The following GPC6 variants were observed in gnomAD, a reference collection of about 807,000 sequenced individuals.
The protein encoded by GPC6 is glypican-6.
GPC6 carries 14 observed loss-of-function variants against 55.2 expected under a neutral mutation model. The ratio of observed to expected loss-of-function variants is 0.25; its 90% CI spans 0.17 to 0.40. The LOEUF (loss-of-function observed/expected upper bound fraction) is 0.40, where lower values mean the gene tolerates loss of function less well. Among genes scored for constraint, GPC6 ranks in the 10% least tolerant of loss-of-function variants. The pLI is 1.00. For missense variants in GPC6, 641 were observed against 708.5 expected (o/e 0.90, Z 1.08); for synonymous variants, 278 against 259.6 (o/e 1.07, Z -0.68).
At chr13:94,040,819 C>T (rs1208636587) in intron 4 of GPC6, among the ~76,000 whole-genome samples, 2 of 151,720 alleles carry the variant, frequency 1.3e-5, no homozygotes, top group African/African-American at 2.4e-5. Context: ...AGTGGCCATG[C>T]AATATTAAAA....
At chr13:94,017,251 G>A (rs1566292120) in intron 3 of GPC6, among the ~76,000 whole-genome samples, 1 of 152,084 alleles carries the variant, frequency 6.6e-6, no homozygotes, top group African/African-American at 2.4e-5. Flanking sequence ...GCTCCAGAAG[G>A]TTTTTTTATG....
chr13:93,379,006 A>AAAAT (rs1372736857), intron 1 of GPC6, among the ~76,000 whole-genome samples: 2 of 151,954 alleles, frequency 1.3e-5, no homozygotes, highest in Non-Finnish European at 2.9e-5. Flanking sequence ...GAAAAAAAAA[A>AAAAT]AAATCAGCAT....
intron 4 of GPC6, among the ~76,000 whole-genome samples, chr13:94,039,885 C>A (rs1883471410): frequency 1.3e-5 from 2 of 151,846 alleles, no homozygotes; most frequent in African/African-American, 4.8e-5. Flanking sequence ...CAGAATGAGC[C>A]TTTGTCTATA....
At chr13:93,424,351 T>G (rs1877039967) in intron 1 of GPC6, among the ~76,000 whole-genome samples, 1 of 152,096 alleles carries the variant, frequency 6.6e-6, no homozygotes, top group Non-Finnish European at 1.5e-5. Context: ...GGGCATAATC[T>G]TAGGCAAAGC....
chr13:93,366,816 GT>G (rs1314258153), intron 1 of GPC6, among the ~76,000 whole-genome samples: 1 of 151,982 alleles, frequency 6.6e-6, no homozygotes, highest in Non-Finnish European at 1.5e-5. Context: ...CTCTCCTATG[GT>G]TTTTTGCTCT....
At chr13:93,743,864 A>C (rs1240095990) in intron 2 of GPC6, among the ~76,000 whole-genome samples, 3 of 152,152 alleles carry the variant, frequency 2.0e-5, no homozygotes, top group East Asian at 1.9e-4. Flanking sequence ...TTCAATCCTG[A>C]TCAAACTGAT....
intron 2 of GPC6, among the ~76,000 whole-genome samples, chr13:93,657,184 A>T (rs574545722): frequency 6.6e-6 from 1 of 152,226 alleles, no homozygotes; most frequent in Non-Finnish European, 1.5e-5. Flanking sequence ...GACATGCATT[A>T]CCCAACTTCA....
chr13:93,522,078 T>C lies in GPC6; in HGVS notation c.161-23185T>C, dbSNP rs539763219. 1.2e-3 allele frequency among the ~76,000 whole-genome samples: 182 copies of C among 152,100 alleles called. 4 individuals carry two copies. Among genetic ancestry groups the C allele is most frequent in the Admixed American group, 2.4e-3 (37 of 15,240 alleles). On this transcript the variant is annotated intron_variant, in intron 1 of 8. Coordinates refer to ENST00000377047, the MANE Select transcript of GPC6 (RefSeq NM_005708.5). ...TTTTAGATAAAAGTGTGACAGACTT[T>C]GAAACAAGTCAAAATGATTGCTGGG...
At chr13:94,265,230 T>C (rs757666437) in intron 4 of GPC6, among the ~76,000 whole-genome samples, 4 of 152,160 alleles carry the variant, frequency 2.6e-5, no homozygotes, top group Non-Finnish European at 5.9e-5. Context: ...TAGATGTATA[T>C]ATAAAGGGGA....
chr13:93,302,880 G>A (rs1211128959), intron 1 of GPC6, among the ~76,000 whole-genome samples: 1 of 152,128 alleles, frequency 6.6e-6, no homozygotes, highest in Non-Finnish European at 1.5e-5. Flanking sequence ...AAAGCCAGCT[G>A]GGCCTCCTAA....
chr13:93,315,074 T>C (rs1046976747), intron 1 of GPC6, among the ~76,000 whole-genome samples: 4 of 152,072 alleles, frequency 2.6e-5, no homozygotes, highest in Admixed American at 1.3e-4. Flanking sequence ...CCTAATTATT[T>C]TGATGGATGA....
chr13:93,268,768 G>A (rs926084687), intron 1 of GPC6, among the ~76,000 whole-genome samples: 2 of 152,092 alleles, frequency 1.3e-5, no homozygotes, highest in African/African-American at 4.8e-5. Flanking sequence ...ACAGGGGAAT[G>A]CCTCTAGAAA....
chr13:93,754,195 C>A (rs1040583081), intron 2 of GPC6, among the ~76,000 whole-genome samples: 1 of 152,166 alleles, frequency 6.6e-6, no homozygotes, highest in Non-Finnish European at 1.5e-5. Flanking sequence ...GATAGTTTCT[C>A]CCCAGTTTTT....
At chr13:94,076,661 G>T (rs1020241455) in intron 4 of GPC6, among the ~76,000 whole-genome samples, 6 of 151,834 alleles carry the variant, frequency 4.0e-5, no homozygotes, top group African/African-American at 1.4e-4. Context: ...TTTATATATG[G>T]TATAAGATAC....
At chr13:94,056,285 T>C (rs1884132169) in intron 4 of GPC6, among the ~76,000 whole-genome samples, 1 of 152,150 alleles carries the variant, frequency 6.6e-6, no homozygotes, top group African/African-American at 2.4e-5. Flanking sequence ...ACCTTCTTTT[T>C]CTTTAAGGTC....
Position 94,235,356 on chromosome 13 carries a change from G to A in GPC6, c.878-50993G>A, listed in dbSNP as rs145032846. 4.4e-3 allele frequency among the ~76,000 whole-genome samples: 666 copies of A among 152,064 alleles called. 5 individuals are homozygous for A. The highest frequency in any genetic ancestry group is 0.015 in the African/African-American group (624 of 41,478). On this transcript the variant is annotated intron_variant, in intron 4 of 8. Coordinates refer to ENST00000377047, the MANE Select transcript of GPC6 (RefSeq NM_005708.5). ...ACATTTCAGAATATCCATTCCACAA[G>A]CATTCTCCAAAAAAAAGAAAAAAGT...
intron 1 of GPC6, among the ~76,000 whole-genome samples, chr13:93,535,701 A>T (rs1423046389): frequency 6.7e-6 from 1 of 150,128 alleles, no homozygotes; most frequent in African/African-American, 2.5e-5. Context: ...AAAAAAAAAA[A>T]CCAAGCAGAA....
intron 4 of GPC6, among the ~76,000 whole-genome samples, chr13:94,148,273 T>A (rs1230399072): frequency 6.6e-6 from 1 of 152,182 alleles, no homozygotes; most frequent in Non-Finnish European, 1.5e-5. Flanking sequence ...AGCAATTGGC[T>A]TGAGTCATCT....
At chr13:93,394,236 A>G (rs920282535) in intron 1 of GPC6, among the ~76,000 whole-genome samples, 1 of 152,178 alleles carries the variant, frequency 6.6e-6, no homozygotes, top group Non-Finnish European at 1.5e-5. Context: ...AGCTCATGGA[A>G]TTTGATCATC....
Sources: gnomAD v4.1 joint callset for allele counts (sites outside exome capture counted in the v4.1 genomes callset) on GRCh38, gnomAD v4.1.1 for gene constraint, MANE v1.5 for transcripts, NCBI Gene and HGNC (gene_info 2026-07-23, HGNC 2026-07-21) for gene names.